Variants in PIK3R5 observed in about 807,000 individuals in gnomAD.
PIK3R5 encodes the protein phosphoinositide-3-kinase regulatory subunit 5, also known as phosphoinositide 3-kinase regulatory subunit 5.
PIK3R5 carries 32 observed loss-of-function variants against 94.9 expected under a neutral mutation model. The observed-to-expected ratio is 0.34, with a 90% CI of 0.25 to 0.45. PIK3R5 has a LOEUF of 0.45. Among genes scored for constraint, PIK3R5 ranks in the 20% least tolerant of loss-of-function variants. The pLI is 1.00. For missense variants in PIK3R5, 853 were observed against 1,144.6 expected, an observed-to-expected ratio of 0.75 and a Z score of 3.68; for synonymous variants, 443 against 479.4, an observed-to-expected ratio of 0.92 and a Z score of 0.99.
rs61761109 is a variant in PIK3R5 at position 8,886,154 on chromosome 17, C to T, written c.2128+75G>A. 6.6e-3 allele frequency: 7,681 copies of T among 1,161,202 alleles called. 357 individuals carry two copies. In the African/African-American group the frequency reaches 0.098, roughly 15 times the overall value. 71.9% of individuals were successfully genotyped at this position (1,161,202 alleles called of 1,614,324 possible). On this transcript the variant is annotated intron_variant, in intron 14 of 18. Coordinates refer to ENST00000447110, the MANE Select transcript of PIK3R5 (RefSeq NM_001142633.3). Reference sequence around the variant, plus strand: ...CCCATGGCCCCACCTCCCAGGTAACCCCACCTCCACAGAGCTCCACGTTTC... The same window carrying T: ...CCCATGGCCCCACCTCCCAGGTAACTCCACCTCCACAGAGCTCCACGTTTC...
At chr17:8,918,729 T>C (rs558603490) in intron 1 of PIK3R5, among the ~76,000 whole-genome samples, 1 of 152,160 alleles carries the variant, frequency 6.6e-6, no homozygotes, top group African/African-American at 2.4e-5. Context: ...CCCCAAATAA[T>C]TACCACTTAT....
chr17:8,888,672 G>A lies in PIK3R5; in HGVS notation c.1115C>T (p.Ser372Leu), dbSNP rs201413001. The part of the protein sequence containing the change: ...ASSQASGPAL[S>L]RHLLTSFVSG... Reference sequence around the variant, plus strand: ...GACAAAGGAAGTCAGCAGATGGCGCGAGAGGGCCGGCCCCGAGGCCTGGGA... The same window carrying A: ...GACAAAGGAAGTCAGCAGATGGCGCAAGAGGGCCGGCCCCGAGGCCTGGGA... The change falls in exon 10 of 19, where the codon TCG becomes TTG. Residue 372 changes from serine (S) to leucine (L), a missense_variant. Physicochemically the swap from Ser to Leu is moderately radical, Grantham distance 145. Coordinates refer to ENST00000447110, the MANE Select transcript of PIK3R5 (RefSeq NM_001142633.3). This position sits in a 1 kb window ranked among gnomAD's most constrained non-coding sequence, Gnocchi z 7.8. 74 of 1,613,762 alleles carry A rather than the reference G, an allele frequency of 4.6e-5. No homozygotes were observed. Among genetic ancestry groups the A allele is most frequent in the Non-Finnish European group, 4.0e-5 (47 of 1,179,980 alleles).
intron 1 of PIK3R5, among the ~76,000 whole-genome samples, chr17:8,923,345 T>C (rs1234928671): frequency 6.6e-6 from 1 of 152,134 alleles, no homozygotes; most frequent in Non-Finnish European, 1.5e-5. Flanking sequence ...TAGCAGCTAA[T>C]AGGAATTGAA....
At chr17:8,902,874 C>T (rs1294330990) in intron 5 of PIK3R5, among the ~76,000 whole-genome samples, 2 of 133,438 alleles carry the variant, frequency 1.5e-5, no homozygotes, top group Non-Finnish European at 3.1e-5. Flanking sequence ...GACAGAGTTT[C>T]GCTCTTGTTG....
At position 8,925,055 on chromosome 17, in the gene PIK3R5, ATAG is replaced by A. The variant is rs2090845316; in HGVS notation, c.-13-13551_-13-13549del. Among the ~76,000 whole-genome samples, 2 of 152,186 alleles carry A rather than the reference ATAG, an allele frequency of 1.3e-5. No homozygotes were observed. The highest frequency in any genetic ancestry group is 2.4e-5 in the African/African-American group (1 of 41,446). On this transcript the variant is annotated intron_variant, in intron 1 of 18. Coordinates refer to ENST00000447110, the MANE Select transcript of PIK3R5 (RefSeq NM_001142633.3). This position sits in a 1 kb window ranked among gnomAD's most constrained non-coding sequence, Gnocchi z 5.1. Reference sequence around the variant, plus strand: ...AGATAGTAGATGAATAGATAGATAGATAGTAGATGGATAGATGGATAGATAGAT... The same window carrying A: ...AGATAGTAGATGAATAGATAGATAGATAGATGGATAGATGGATAGATAGAT...
At chr17:8,926,745 G>A (rs1567659261) in intron 1 of PIK3R5, among the ~76,000 whole-genome samples, 2 of 152,090 alleles carry the variant, frequency 1.3e-5, no homozygotes, top group Admixed American at 1.3e-4. Context: ...AGATTTGGGT[G>A]GGGACACGGA....
intron 1 of PIK3R5, among the ~76,000 whole-genome samples, chr17:8,960,345 C>A (rs1273182336): frequency 6.6e-6 from 1 of 152,240 alleles, no homozygotes; most frequent in Non-Finnish European, 1.5e-5. Context: ...CTTAACCCCT[C>A]AACTATATTG....
intron 5 of PIK3R5, among the ~76,000 whole-genome samples, chr17:8,903,374 A>T (rs1261052861): frequency 1.3e-5 from 2 of 151,584 alleles, no homozygotes; most frequent in Non-Finnish European, 2.9e-5. Flanking sequence ...TACCTTCAAA[A>T]AATGGAAATA....
chr17:8,881,782 A>G lies in PIK3R5; in HGVS notation c.2299+6T>C. 3.7e-6 allele frequency: 6 copies of G among 1,613,044 alleles called. No individual in the cohort carries two copies. The highest frequency in any genetic ancestry group is 5.1e-6 in the Non-Finnish European group (6 of 1,179,470). On this transcript the variant is annotated splice_donor_region_variant and intron_variant, in intron 16 of 18. Transcript: ENST00000447110. The surrounding 1 kb of genome is among the most constrained non-coding windows in gnomAD (Gnocchi z 4.8). ...CTGCACACCCCACACTGACCACCCC[A>G]CTCACCCAGCTCCTCCTGCTTCCGG... is the stretch of plus-strand genomic sequence containing the variant.
chr17:8,885,571 A>C (rs1362949026), intron 14 of PIK3R5, among the ~76,000 whole-genome samples: 1 of 57,436 alleles, frequency 1.7e-5, no homozygotes, highest in African/African-American at 6.9e-5. Flanking sequence ...GGCCCCACCT[A>C]CCGGACAACC....
chr17:8,886,056 C>T (rs1597373410), intron 14 of PIK3R5, among the ~76,000 whole-genome samples, 173 bp downstream of exon 14: 1 of 151,622 alleles, frequency 6.6e-6, no homozygotes, highest in South Asian at 2.1e-4. Flanking sequence ...ACCGGGTCAC[C>T]CAGCCACCCC....
chr17:8,880,855 G>C (rs535603783), intron 18 of PIK3R5, 50 bp downstream of exon 18: 1 of 1,613,306 alleles, frequency 6.2e-7, no homozygotes, highest in South Asian at 1.1e-5. Flanking sequence ...CAGGCCTCTG[G>C]GTTGGTGGGA....
chr17:8,909,367 G>A lies in PIK3R5; in HGVS notation c.104-193C>T, dbSNP rs1022359391. Among the ~76,000 whole-genome samples, 3 of 151,718 alleles carry A rather than the reference G, an allele frequency of 2.0e-5. No individual in the cohort carries two copies. The highest frequency in any genetic ancestry group is 7.3e-5 in the African/African-American group (3 of 41,234). On this transcript the variant is annotated intron_variant, in intron 2 of 18. Coordinates refer to ENST00000447110, the MANE Select transcript of PIK3R5 (RefSeq NM_001142633.3). This position sits in a 1 kb window ranked among gnomAD's most constrained non-coding sequence, Gnocchi z 4.3. ...TGCAGTGGTGCGATCTCAGCTCACT[G>A]CAACCTCTGCCTCCCGGGTTCAAGC...
rs370964753 is a variant in PIK3R5 at position 8,888,357 on chromosome 17, C to T, written c.1430G>A (p.Arg477His). Residue 477 changes from arginine to histidine, a missense_variant, in exon 10 of 19, where the codon CGC (arginine) becomes CAC (histidine). Physicochemically the swap from Arg to His is conservative, Grantham distance 29 (BLOSUM62 0). Transcript: ENST00000447110. The surrounding 1 kb of genome is among the most constrained non-coding windows in gnomAD (Gnocchi z 7.8). ...VSPPSRAQRSRSLPQPKLGTQ... is the reference protein window; with the variant it reads ...VSPPSRAQRSHSLPQPKLGTQ... ...ACCGAGTTTGGGCTGGGGCAGGGAG[C>T]GGGAGCGCTGGGCCCGGGAAGGGGG... is the stretch of plus-strand genomic sequence containing the variant. The T allele has an allele frequency of 4.2e-5, 67 of 1,610,040 alleles. No homozygotes were observed. The highest frequency in any genetic ancestry group is 2.1e-4 in the South Asian group (19 of 90,928).
At chr17:8,898,508 AT>A (rs1489404911) in intron 5 of PIK3R5, among the ~76,000 whole-genome samples, 2 of 152,250 alleles carry the variant, frequency 1.3e-5, no homozygotes, top group Non-Finnish European at 2.9e-5. Context: ...TCAAAGAGAT[AT>A]GGGTTCAAGT....
rs566628997 is a variant in PIK3R5 at position 8,911,180 on chromosome 17, C to T, written c.103+212G>A. Among the ~76,000 whole-genome samples, 5 of 152,148 alleles carry T rather than the reference C, an allele frequency of 3.3e-5. No individual in the cohort carries two copies. Among genetic ancestry groups the T allele is most frequent in the Admixed American group, 6.5e-5 (1 of 15,276 alleles). ...GCCCTGAGTAGGATGAGGAAGATGC[C>T]GTGGGAGAAGGGAGAAAGTGCCAGA... is the stretch of plus-strand genomic sequence containing the variant. On this transcript the variant is annotated intron_variant, in intron 2 of 18. Transcript: ENST00000447110. The surrounding 1 kb of genome is among the most constrained non-coding windows in gnomAD (Gnocchi z 5.3).
At chr17:8,934,539 T>G (rs1019577117) in intron 1 of PIK3R5, among the ~76,000 whole-genome samples, 1 of 152,138 alleles carries the variant, frequency 6.6e-6, no homozygotes, top group African/African-American at 2.4e-5. Context: ...TCAGCAAACT[T>G]TAAAAAATAG....
intron 1 of PIK3R5, among the ~76,000 whole-genome samples, chr17:8,964,045 C>A (rs2091616091): frequency 6.6e-6 from 1 of 152,172 alleles, no homozygotes; most frequent in South Asian, 2.1e-4. Context: ...CTACAAACAT[C>A]CACGGAGCAT....
rs1007832275 is a variant in PIK3R5, at chr17:8,922,616, G to C, written c.-13-11109C>G. On this transcript the variant is annotated intron_variant, in intron 1 of 18. Transcript: ENST00000447110. Reference sequence around the variant, plus strand: ...TTTCGTCTCAGTGTTGTAATTTGAGGCTTCCAGGGAAGACGTCTTGCATAA... The same window carrying C: ...TTTCGTCTCAGTGTTGTAATTTGAGCCTTCCAGGGAAGACGTCTTGCATAA... Among the ~76,000 whole-genome samples, 7 of 152,260 alleles carry C rather than the reference G, an allele frequency of 4.6e-5. No individual in the cohort carries two copies. In the East Asian group the frequency reaches 5.8e-4, roughly 13 times the overall value.
Sources: gnomAD v4.1 joint callset for allele counts (sites outside exome capture counted in the v4.1 genomes callset) on GRCh38, gnomAD v4.1.1 for gene constraint, Gnocchi (gnomAD v3.1) non-coding constraint, MANE v1.5 for transcripts, NCBI Gene and HGNC (gene_info 2026-07-23, HGNC 2026-07-21) for gene names.